Variants in DOCK4 observed in about 807,000 individuals in gnomAD.
The protein encoded by DOCK4 is dedicator of cytokinesis 4, also known as dedicator of cytokinesis protein 4.
In DOCK4, 97 loss-of-function variants were observed where a neutral mutation model predicts 268.1. The observed-to-expected ratio is 0.36, with a 90% confidence interval of 0.31 to 0.43. DOCK4 has a LOEUF of 0.43. Among genes scored for constraint, DOCK4 ranks in the 20% least tolerant of loss-of-function variants. The pLI is 1.00. For missense variants in DOCK4, 2,145 were observed against 2,455.7 expected (o/e 0.87, Z 2.67); for synonymous variants, 954 against 887.2 (o/e 1.08, Z -1.34).
At chr7:111,988,941 C>T (rs1038706290) in intron 6 of DOCK4, 74 bp downstream of exon 6, 65 of 1,522,690 alleles carry the variant, frequency 4.3e-5, no homozygotes, top group South Asian at 8.5e-5. Flanking sequence ...GACATTACCA[C>T]GTTCTGGCTC....
In DOCK4 at chr7:111,827,694, A is replaced by T. The variant is rs369594594; in HGVS notation, c.2836-5238T>A. ...GATTCAGAGGAATTAAAAATTATATATTTGGTTTTTAAGGAATATAACAGT... is the reference window on the plus strand; with the variant it reads ...GATTCAGAGGAATTAAAAATTATATTTTTGGTTTTTAAGGAATATAACAGT... On this transcript the variant is annotated intron_variant, in intron 26 of 52. Coordinates refer to ENST00000428084, the MANE Select transcript of DOCK4 (RefSeq NM_001363540.2). Among the ~76,000 whole-genome samples the T allele has an allele frequency of 1.2e-4, 18 of 152,168 alleles. 1 individual carries two copies. The highest frequency in any genetic ancestry group is 4.3e-4 in the African/African-American group (18 of 41,436).
intron 30 of DOCK4, among the ~76,000 whole-genome samples, chr7:111,799,776 A>C (rs931586531): frequency 1.1e-4 from 16 of 152,244 alleles, no homozygotes; most frequent in Admixed American, 5.2e-4. Context: ...AGCAACTTTT[A>C]ATTATACATG....
At chr7:112,164,886 A>G (rs781639437) in intron 1 of DOCK4, among the ~76,000 whole-genome samples, 11 of 152,208 alleles carry the variant, frequency 7.2e-5, no homozygotes, top group Non-Finnish European at 1.2e-4. Context: ...AATGTCTCTT[A>G]CTGGTAATGG....
chr7:111,802,412 T>C (rs1256848712), intron 30 of DOCK4, among the ~76,000 whole-genome samples: 1 of 152,160 alleles, frequency 6.6e-6, no homozygotes, highest in Non-Finnish European at 1.5e-5. Context: ...CCAGCTATGC[T>C]CTCTCTGCTG....
At chr7:111,801,406 C>G (rs1329021558) in intron 30 of DOCK4, among the ~76,000 whole-genome samples, 3 of 152,152 alleles carry the variant, frequency 2.0e-5, no homozygotes, top group Non-Finnish European at 4.4e-5. Flanking sequence ...ACTTTTCGCT[C>G]CTTAAAACCA....
At chr7:112,112,846 C>A (rs1206696227) in intron 1 of DOCK4, among the ~76,000 whole-genome samples, 1 of 152,172 alleles carries the variant, frequency 6.6e-6, no homozygotes, top group Non-Finnish European at 1.5e-5. Flanking sequence ...CCTCTCATCT[C>A]TCCCAATTGC....
chr7:112,159,524 C>G (rs1050788248), intron 1 of DOCK4, among the ~76,000 whole-genome samples: 1 of 152,234 alleles, frequency 6.6e-6, no homozygotes, highest in East Asian at 1.9e-4. Context: ...TACAGACAAA[C>G]GGCCCTACTT....
chr7:112,189,715 C>A (rs899859203), intron 1 of DOCK4, among the ~76,000 whole-genome samples: 11 of 148,514 alleles, frequency 7.4e-5, no homozygotes, highest in Non-Finnish European at 1.5e-4. Flanking sequence ...AGCAGCCTAG[C>A]CTTCTTGTTT....
At chr7:112,009,049 C>T (rs1801084358) in intron 1 of DOCK4, among the ~76,000 whole-genome samples, 2 of 152,216 alleles carry the variant, frequency 1.3e-5, no homozygotes, top group African/African-American at 4.8e-5. Flanking sequence ...CTGTAAGCCA[C>T]AGACAATAAC....
At chr7:111,871,922 C>T (rs913105950) in intron 20 of DOCK4, 68 bp downstream of exon 20, 28 of 1,281,558 alleles carry the variant, frequency 2.2e-5, no homozygotes, top group Admixed American at 5.5e-5. Context: ...TTTCCTATAT[C>T]GCCTCTTCTG....
Position 111,728,550 on chromosome 7 carries a change from G to T in DOCK4, c.5652C>A (p.Pro1884=), listed in dbSNP as rs532655615. ...CGGGCACCGGCACTGGCACCGGCAG[G>T]GGGGCCGACTGTTCATTCACCTGAT... ...FENQVNEQSA[P]LPVPVPVPVP... is the part of the protein sequence containing the mutation. The change falls in exon 53 of 53, where the codon CCC becomes CCA. Residue 1884 remains proline (P), a synonymous_variant. Coordinates refer to ENST00000428084, the MANE Select transcript of DOCK4 (RefSeq NM_001363540.2). 3 of 1,613,680 alleles carry T rather than the reference G, an allele frequency of 1.9e-6. No individual in the cohort carries two copies. The highest frequency in any genetic ancestry group is 1.3e-5 in the African/African-American group (1 of 74,908).
intron 44 of DOCK4, among the ~76,000 whole-genome samples, chr7:111,745,104 G>A (rs761250563): frequency 6.6e-5 from 10 of 152,200 alleles, no homozygotes; most frequent in Middle Eastern, 3.4e-3. Context: ...ACCATTTCAG[G>A]CTATCAATAG....
intron 2 of DOCK4, 143 bp from the exon 3 acceptor site, chr7:112,000,677 G>A (rs1800349371): frequency 2.0e-6 from 1 of 510,832 alleles, no homozygotes. Context: ...ATTGGCCTTA[G>A]GCTACAAAAT....
At chr7:111,801,259 A>C (rs1481531881) in intron 30 of DOCK4, among the ~76,000 whole-genome samples, 3 of 152,196 alleles carry the variant, frequency 2.0e-5, no homozygotes, top group Admixed American at 2.0e-4. Flanking sequence ...CTCTGGGCCC[A>C]TGCAAATCAA....
intron 1 of DOCK4, among the ~76,000 whole-genome samples, chr7:112,109,775 C>T (rs866155265): frequency 2.2e-5 from 3 of 134,446 alleles, no homozygotes; most frequent in Admixed American, 7.3e-5. Context: ...GACGGAGTCT[C>T]GCTCTGTCGC....
At chr7:111,996,584 A>T (rs1799975969) in intron 4 of DOCK4, among the ~76,000 whole-genome samples, 2 of 152,158 alleles carry the variant, frequency 1.3e-5, no homozygotes, top group Admixed American at 1.3e-4. Flanking sequence ...ACAGCCCTAG[A>T]CCTAGGGTCT....
At chr7:111,803,476 A>T (rs946406684) in intron 30 of DOCK4, among the ~76,000 whole-genome samples, 3 of 152,212 alleles carry the variant, frequency 2.0e-5, no homozygotes, top group Admixed American at 6.5e-5. Context: ...TTGGAGTTTT[A>T]TATTTATGCA....
chr7:111,980,541 A>G (rs918527131), intron 7 of DOCK4, among the ~76,000 whole-genome samples: 50 of 152,194 alleles, frequency 3.3e-4, no homozygotes, highest in African/African-American at 1.1e-3. Flanking sequence ...TGCATTAATT[A>G]TTGAATGAAC....
chr7:111,801,238 T>C (rs1022520210), intron 30 of DOCK4, among the ~76,000 whole-genome samples: 3 of 152,150 alleles, frequency 2.0e-5, no homozygotes, highest in Admixed American at 6.5e-5. Flanking sequence ...ACACACCTGG[T>C]CAAACCAATC....
Sources: gnomAD v4.1 joint callset for allele counts (sites outside exome capture counted in the v4.1 genomes callset) on GRCh38, gnomAD v4.1.1 for gene constraint, MANE v1.5 for transcripts, NCBI Gene and HGNC (gene_info 2026-07-23, HGNC 2026-07-21) for gene names.